Variants in CTNNA2 observed in about 807,000 individuals in gnomAD.
CTNNA2 encodes catenin alpha-2.
In CTNNA2, 42 loss-of-function variants were observed where a neutral mutation model predicts 101.0. That is an observed-to-expected ratio of 0.42 (90% confidence interval 0.32 to 0.54). The LOEUF (loss-of-function observed/expected upper bound fraction) is 0.54, where lower values mean the gene tolerates loss of function less well. Among genes scored for constraint, CTNNA2 ranks in the 20% least tolerant of loss-of-function variants. The probability of loss-of-function intolerance (pLI) is 0.14; values close to 1 mark genes in which losing one functional copy is unlikely to be tolerated. For synonymous variants in CTNNA2, 450 were observed against 456.4 expected, an observed-to-expected ratio of 0.99 and a Z score of 0.18; for missense variants, 871 against 1,223.1, an observed-to-expected ratio of 0.71 and a Z score of 4.29.
At chr2:79,850,061 A>G (rs1342249843) in intron 3 of CTNNA2, among the ~76,000 whole-genome samples, 1 of 152,208 alleles carries the variant, frequency 6.6e-6, no homozygotes, top group Non-Finnish European at 1.5e-5. Flanking sequence ...ACAGGGAGTC[A>G]CAAATCATCC....
intron 7 of CTNNA2, among the ~76,000 whole-genome samples, chr2:80,084,860 A>C (rs1319912768): frequency 3.3e-5 from 5 of 152,086 alleles, no homozygotes; most frequent in African/African-American, 9.7e-5. Context: ...AGATGAAAAA[A>C]AATTGTGAAG....
intron 7 of CTNNA2, among the ~76,000 whole-genome samples, chr2:80,137,540 A>G (rs997890123): frequency 6.6e-6 from 1 of 152,078 alleles, no homozygotes; most frequent in African/African-American, 2.4e-5. Flanking sequence ...AGGTAATGGG[A>G]AAGTTCTTTG....
chr2:80,245,794 C>CTTTTTTTTTTTT, intron 7 of CTNNA2, among the ~76,000 whole-genome samples: 1 of 58,912 alleles, frequency 1.7e-5, no homozygotes, highest in Non-Finnish European at 2.9e-5. Context: ...TATGATTTAA[C>CTTTTTTTTTTTT]TTTTTTTTTT....
intron 7 of CTNNA2, among the ~76,000 whole-genome samples, chr2:79,976,549 C>A (rs1313228929): frequency 9.9e-5 from 15 of 152,088 alleles, no homozygotes; most frequent in Admixed American, 9.2e-4. Context: ...ATTAAAAGTT[C>A]TATTTGTTGA....
intron 9 of CTNNA2, among the ~76,000 whole-genome samples, chr2:80,526,755 A>G (rs1690076370): frequency 6.6e-6 from 1 of 152,264 alleles, no homozygotes; most frequent in African/African-American, 2.4e-5. Flanking sequence ...TGCACAGTTA[A>G]AACTCACACA....
intron 1 of CTNNA2, among the ~76,000 whole-genome samples, chr2:79,513,812 T>C (rs780152275): frequency 3.3e-5 from 5 of 152,224 alleles, no homozygotes; most frequent in Admixed American, 6.5e-5. Flanking sequence ...TCTTTTTTTC[T>C]TCTGGGAATT....
intron 2 of CTNNA2, among the ~76,000 whole-genome samples, chr2:79,200,069 T>C (rs1413748852): frequency 6.6e-6 from 1 of 152,124 alleles, no homozygotes; most frequent in African/African-American, 2.4e-5. Context: ...TCTAGTCTTT[T>C]CTCATGGCAG....
intron 3 of CTNNA2, among the ~76,000 whole-genome samples, chr2:79,766,157 A>C (rs1273445357): frequency 1.3e-5 from 2 of 152,162 alleles, no homozygotes; most frequent in Non-Finnish European, 2.9e-5. Flanking sequence ...TTGCTCATTA[A>C]GGTCCTTTTC....
intron 15 of CTNNA2, among the ~76,000 whole-genome samples, chr2:80,597,747 TG>T (rs1274774558): frequency 1.3e-5 from 2 of 152,142 alleles, no homozygotes; most frequent in Non-Finnish European, 2.9e-5. Flanking sequence ...ATTAGAGAAA[TG>T]CAATTCAAAA....
intron 4 of CTNNA2, among the ~76,000 whole-genome samples, chr2:79,398,914 G>T (rs1223326979): frequency 2.0e-5 from 3 of 151,734 alleles, no homozygotes; most frequent in Non-Finnish European, 2.9e-5. Flanking sequence ...GGTTTAGTAT[G>T]TCCAAATTTT....
At chr2:79,881,822 G>A (rs144109359) in intron 6 of CTNNA2, among the ~76,000 whole-genome samples, 5,435 of 149,570 alleles carry the variant, frequency 0.036, 286 homozygotes, top group East Asian at 0.23. Context: ...ACTTAGTATT[G>A]TTATGTGTGA....
chr2:80,597,346 CCAAA>C (rs752202930), intron 15 of CTNNA2, among the ~76,000 whole-genome samples: 11 of 152,002 alleles, frequency 7.2e-5, no homozygotes, highest in Non-Finnish European at 1.5e-4. Context: ...AAACCCAAAA[CCAAA>C]CAAACAAACA....
chr2:80,103,099 A>G (rs1700649770), intron 7 of CTNNA2, among the ~76,000 whole-genome samples: 1 of 152,068 alleles, frequency 6.6e-6, no homozygotes, highest in Admixed American at 6.5e-5. Context: ...ACATATACTG[A>G]GTTTCCTGTC....
chr2:80,002,429 G>A (rs967204499), intron 7 of CTNNA2, among the ~76,000 whole-genome samples: 2 of 152,150 alleles, frequency 1.3e-5, no homozygotes, highest in Non-Finnish European at 2.9e-5. Context: ...AGTGGAAAAT[G>A]GATGCTCTAA....
At position 79,491,709 on chromosome 2, in the gene CTNNA2, G is replaced by A. The variant is rs573587708; in HGVS notation, c.-134-13345G>A. ...TTCAGGATCACATCACTGTAGAAGA[G>A]AAAGAGAGATTTGGGAAGCTGCTGC... On this transcript the variant is annotated intron_variant, in intron 4 of 21. Transcript: ENST00000466387. 7.9e-5 allele frequency among the ~76,000 whole-genome samples: 12 copies of A among 152,266 alleles called. No individual in the cohort carries two copies. The South Asian group carries it at 2.5e-3, about 32-fold the overall frequency.
chr2:79,678,474 G>T (rs557860043), intron 2 of CTNNA2, among the ~76,000 whole-genome samples: 1 of 151,202 alleles, frequency 6.6e-6, no homozygotes, highest in East Asian at 2.0e-4. Context: ...GGTGGAGGTT[G>T]CAGTTAGCCA....
chr2:79,259,865 G>A (rs574189453), intron 2 of CTNNA2, among the ~76,000 whole-genome samples: 1 of 152,332 alleles, frequency 6.6e-6, no homozygotes, highest in South Asian at 2.1e-4. Context: ...CCCAGCCTAT[G>A]CAGATAGATA....
At chr2:79,814,608 T>TACACACACACACACACAC (rs146240455) in intron 3 of CTNNA2, among the ~76,000 whole-genome samples, 19 of 145,194 alleles carry the variant, frequency 1.3e-4, no homozygotes, top group African/African-American at 4.7e-4. Context: ...TATGTGTGTA[T>TACACACACACACACACAC]ACACACACAC....
At chr2:79,554,364 C>A (rs1674308836) in intron 1 of CTNNA2, among the ~76,000 whole-genome samples, 2 of 151,994 alleles carry the variant, frequency 1.3e-5, no homozygotes, top group Admixed American at 6.6e-5. Context: ...CAATATCTTC[C>A]TTAGGATTGT....
Sources: allele counts gnomAD v4.1 joint callset (sites outside exome capture counted in the v4.1 genomes callset), GRCh38; gene constraint gnomAD v4.1.1; transcripts MANE v1.5; gene names NCBI Gene and HGNC (gene_info 2026-07-23, HGNC 2026-07-21).